Variants in ANKS1B observed in about 807,000 individuals in gnomAD.
The protein encoded by ANKS1B is ankyrin repeat and sterile alpha motif domain-containing protein 1B.
A neutral mutation model predicts 148.3 loss-of-function variants in ANKS1B; 36 were observed. The observed-to-expected ratio is 0.24, with a 90% CI of 0.19 to 0.32. The LOEUF (loss-of-function observed/expected upper bound fraction) is 0.32. Ranked by LOEUF, ANKS1B falls within the 10% of genes least tolerant of loss-of-function variation. The pLI is 1.00. For synonymous variants in ANKS1B, 542 were observed against 560.8 expected (o/e 0.97, Z 0.47); for missense variants, 1,157 against 1,542.6 (o/e 0.75, Z 4.19).
intron 16 of ANKS1B, among the ~76,000 whole-genome samples, chr12:99,076,584 T>G (rs2047947096): frequency 6.6e-6 from 1 of 152,102 alleles, no homozygotes; most frequent in African/African-American, 2.4e-5. Flanking sequence ...TGACTCCTTT[T>G]CTAAAAGACA....
chr12:99,619,796 G>A (rs748649706), intron 9 of ANKS1B, among the ~76,000 whole-genome samples: 7 of 152,156 alleles, frequency 4.6e-5, no homozygotes, highest in African/African-American at 1.7e-4. Flanking sequence ...CCACACCTAG[G>A]CCCATTTCTG....
intron 17 of ANKS1B, among the ~76,000 whole-genome samples, chr12:98,991,030 G>A (rs2099926307): frequency 6.6e-6 from 1 of 152,224 alleles, no homozygotes; most frequent in South Asian, 2.1e-4. Flanking sequence ...GTAAGTCAGT[G>A]AGACTGGTTG....
At chr12:99,444,592 G>A (rs1260073782) in intron 10 of ANKS1B, among the ~76,000 whole-genome samples, 2 of 151,594 alleles carry the variant, frequency 1.3e-5, no homozygotes, top group African/African-American at 2.4e-5. Context: ...AAAATACTTG[G>A]GAAAGGATGA....
intron 17 of ANKS1B, among the ~76,000 whole-genome samples, chr12:99,042,058 CAAAAT>C (rs1374422529): frequency 6.6e-6 from 1 of 151,828 alleles, no homozygotes; most frequent in Admixed American, 6.6e-5. Flanking sequence ...CATAAAACAC[CAAAAT>C]AAAACAACCC....
At chr12:99,342,626 G>A (rs776738793) in intron 12 of ANKS1B, among the ~76,000 whole-genome samples, 66 of 151,926 alleles carry the variant, frequency 4.3e-4, no homozygotes, top group Non-Finnish European at 8.4e-4. Flanking sequence ...AAGAAAAGGC[G>A]AGGCCAGAGT....
chr12:98,991,458 T>C (rs1285083717), intron 17 of ANKS1B, among the ~76,000 whole-genome samples: 2 of 152,202 alleles, frequency 1.3e-5, no homozygotes, highest in African/African-American at 4.8e-5. Flanking sequence ...ATTATTAGTA[T>C]GCAATATGTG....
chr12:99,052,181 CA>C (rs2099966541), intron 17 of ANKS1B, among the ~76,000 whole-genome samples: 1 of 152,060 alleles, frequency 6.6e-6, no homozygotes, highest in African/African-American at 2.4e-5. Flanking sequence ...TAGAAAATAA[CA>C]AAAGTAAAAA....
chr12:99,613,532 A>G (rs1474585195), intron 9 of ANKS1B, among the ~76,000 whole-genome samples: 1 of 152,100 alleles, frequency 6.6e-6, no homozygotes, highest in Admixed American at 6.6e-5. Context: ...TAAAAAAAGA[A>G]TGAGATCATG....
At chr12:99,447,555 T>G (rs2152808508) in intron 10 of ANKS1B, among the ~76,000 whole-genome samples, 1 of 152,176 alleles carries the variant, frequency 6.6e-6, no homozygotes, top group East Asian at 1.9e-4. Flanking sequence ...GGGCAATGAT[T>G]TTTTGGCTAT....
intron 8 of ANKS1B, among the ~76,000 whole-genome samples, chr12:99,689,995 C>T (rs538602765): frequency 1.1e-4 from 17 of 152,266 alleles, no homozygotes; most frequent in African/African-American, 2.9e-4. Context: ...AATTGCCTCA[C>T]AGTTCCCCAT....
In ANKS1B at chr12:99,050,274, C is replaced by T. The variant is rs2099965123; in HGVS notation, c.2778+2883G>A. Among the ~76,000 whole-genome samples the T allele has an allele frequency of 1.3e-5, 2 of 152,048 alleles. 1 individual carries two copies. ...TTTTGCCTTTTTCTCATTTTAAAACCCAGTAACCCAAAACCATCACATGAA... is the reference window on the plus strand; with the variant it reads ...TTTTGCCTTTTTCTCATTTTAAAACTCAGTAACCCAAAACCATCACATGAA... On this transcript the variant is annotated intron_variant, in intron 17 of 26. Coordinates refer to ENST00000683438, the MANE Select transcript of ANKS1B (RefSeq NM_001352186.2).
At chr12:99,269,059 T>C (rs926500203) in intron 12 of ANKS1B, among the ~76,000 whole-genome samples, 3 of 152,214 alleles carry the variant, frequency 2.0e-5, no homozygotes, top group African/African-American at 7.2e-5. Context: ...AGTATTACTT[T>C]AAAATCAGCT....
chr12:99,267,729 G>C (rs1364934044), intron 12 of ANKS1B, among the ~76,000 whole-genome samples: 1 of 152,148 alleles, frequency 6.6e-6, no homozygotes, highest in African/African-American at 2.4e-5. Context: ...AAGAAGTTTT[G>C]TGAGCTTCAG....
At chr12:99,744,194 G>C (rs1567762048) in intron 8 of ANKS1B, among the ~76,000 whole-genome samples, 1 of 152,058 alleles carries the variant, frequency 6.6e-6, no homozygotes, top group Non-Finnish European at 1.5e-5. Flanking sequence ...AAATGAAGGG[G>C]AAAGGTTTCA....
intron 8 of ANKS1B, among the ~76,000 whole-genome samples, chr12:99,725,797 C>A (rs1285004671): frequency 6.6e-6 from 1 of 151,576 alleles, no homozygotes; most frequent in African/African-American, 2.4e-5. Context: ...ATCATAACAG[C>A]CTCTCAGACC....
At chr12:99,108,327 T>C (rs1471119326) in intron 15 of ANKS1B, among the ~76,000 whole-genome samples, 2 of 152,242 alleles carry the variant, frequency 1.3e-5, no homozygotes, top group Non-Finnish European at 1.5e-5. Context: ...ACTATGTACC[T>C]TGAGGATAGA....
chr12:98,882,041 C>T (rs898251501), intron 17 of ANKS1B, among the ~76,000 whole-genome samples: 2 of 152,026 alleles, frequency 1.3e-5, no homozygotes, highest in Non-Finnish European at 2.9e-5. Flanking sequence ...TGTTATAATA[C>T]TTAAAGCTGC....
chr12:99,218,319 A>T (rs962003272), intron 14 of ANKS1B, among the ~76,000 whole-genome samples: 2 of 152,154 alleles, frequency 1.3e-5, no homozygotes, highest in Non-Finnish European at 2.9e-5. Context: ...TAATTTCCCT[A>T]GGTGTCTTTA....
chr12:99,477,323 T>C (rs1595574180), intron 10 of ANKS1B, among the ~76,000 whole-genome samples: 1 of 152,142 alleles, frequency 6.6e-6, no homozygotes, highest in African/African-American at 2.4e-5. Flanking sequence ...TACAGCTGTT[T>C]TGGAAAGCAA....
Sources: allele counts gnomAD v4.1 joint callset (sites outside exome capture counted in the v4.1 genomes callset), GRCh38; gene constraint gnomAD v4.1.1; transcripts MANE v1.5; gene names NCBI Gene and HGNC (gene_info 2026-07-23, HGNC 2026-07-21).